The following COL9A1 variants were observed in gnomAD, a reference collection of about 807,000 sequenced individuals.
COL9A1 encodes collagen type IX alpha 1 chain.
COL9A1 carries 104 observed loss-of-function variants against 142.6 expected under a neutral mutation model. The observed-to-expected ratio is 0.73, with a 90% confidence interval of 0.62 to 0.86. The LOEUF is 0.86. Among genes scored for constraint, COL9A1 ranks in the 40% least tolerant of loss-of-function variants. COL9A1 has a pLI of 0.00. For synonymous variants in COL9A1, 466 were observed against 396.0 expected, an observed-to-expected ratio of 1.18 and a Z score of -2.10; for missense variants, 1,210 against 1,176.6, an observed-to-expected ratio of 1.03 and a Z score of -0.42.
intron 37 of COL9A1, among the ~76,000 whole-genome samples, chr6:70,220,056 T>G (rs1768771154): frequency 6.6e-6 from 1 of 152,124 alleles, no homozygotes; most frequent in Non-Finnish European, 1.5e-5. Context: ...CTGTCTACCC[T>G]TGATTTATTT....
chr6:70,231,269 A>G (rs990135826), intron 36 of COL9A1, among the ~76,000 whole-genome samples: 1 of 152,258 alleles, frequency 6.6e-6, no homozygotes. Context: ...GATCCAATGA[A>G]GTCAACAATC....
chr6:70,245,208 C>G (rs1770517152), intron 28 of COL9A1, among the ~76,000 whole-genome samples: 1 of 152,188 alleles, frequency 6.6e-6, no homozygotes, highest in Non-Finnish European at 1.5e-5. Flanking sequence ...ATTTCTTTGT[C>G]TTCTAAGAAC....
chr6:70,246,065 C>T (rs958076164), intron 28 of COL9A1: 14 of 152,450 alleles, frequency 9.2e-5, no homozygotes, highest in African/African-American at 3.4e-4. Flanking sequence ...CAACTCATCT[C>T]TTTTTAAGAA....
At chr6:70,280,907 G>A (rs1468773826) in intron 9 of COL9A1, 33 bp from the exon 10 acceptor site, 7 of 1,613,454 alleles carry the variant, frequency 4.3e-6, no homozygotes, top group Non-Finnish European at 5.9e-6. Flanking sequence ...GGGGGCAGGA[G>A]AGAAAAAGGT....
In COL9A1 at chr6:70,283,367, A is replaced by G. The variant is rs1372491992; in HGVS notation, c.780+370T>C. On this transcript the variant is annotated intron_variant, in intron 6 of 37. Coordinates refer to ENST00000357250, the MANE Select transcript of COL9A1 (RefSeq NM_001851.6). ...ACGCAGCTCTGCCTCCATCCCATCC[A>G]CCCCAGTGCAGCTTCTGGCTGTCCT... 4.7e-6 allele frequency: 4 copies of G among 848,022 alleles called. No homozygotes were observed. In the Admixed American group the frequency reaches 8.8e-5, roughly 19 times the overall value. The allele number at this position is 848,022 out of a possible 1,614,324, so 52.5% of individuals were successfully genotyped here. A position where few individuals can be genotyped will look rare whatever the true frequency, so the allele number is the denominator to read the frequency against.
chr6:70,268,054 CAAGT>C (rs1772144989), intron 17 of COL9A1, among the ~76,000 whole-genome samples: 1 of 152,180 alleles, frequency 6.6e-6, no homozygotes, highest in Non-Finnish European at 1.5e-5. Flanking sequence ...GGAAAACTTT[CAAGT>C]AATTACGGTG....
At position 70,238,815 on chromosome 6, in the gene COL9A1, C is replaced by T. The variant is rs1411443140; in HGVS notation, c.2112+439G>A. Among the ~76,000 whole-genome samples the T allele has an allele frequency of 3.9e-5, 6 of 152,288 alleles. No homozygotes were observed. The East Asian group carries it at 1.2e-3, about 29-fold the overall frequency. On this transcript the variant is annotated intron_variant, in intron 33 of 37. Coordinates refer to ENST00000357250, the MANE Select transcript of COL9A1 (RefSeq NM_001851.6). ...CCATTGCCTAAAGTACAAATTTAGA[C>T]ATTTATTTCCATGAAAGTAAGTCCT...
intron 33 of COL9A1, among the ~76,000 whole-genome samples, chr6:70,237,809 G>A (rs1482561650): frequency 2.6e-5 from 4 of 152,358 alleles, no homozygotes; most frequent in Admixed American, 6.5e-5. Flanking sequence ...TTAATACGAT[G>A]TAATAATATT....
At chr6:70,255,814 T>C (rs1771250073) in intron 21 of COL9A1, among the ~76,000 whole-genome samples, 1 of 129,752 alleles carries the variant, frequency 7.7e-6, no homozygotes, top group Non-Finnish European at 1.8e-5. Flanking sequence ...GTCGAAGTGA[T>C]CTAGCTAATG....
intron 19 of COL9A1, 88 bp downstream of exon 19, chr6:70,263,156 C>T: frequency 9.3e-7 from 1 of 1,075,244 alleles, no homozygotes; most frequent in Non-Finnish European, 1.4e-6. Flanking sequence ...GCTATTCATC[C>T]AACTGCTAAA....
rs115255573 is a variant in COL9A1 at position 70,242,216 on chromosome 6, T to A, written c.1927-181A>T. 1.5e-3 allele frequency: 1,017 copies of A among 665,146 alleles called. 13 individuals carry two copies. The African/African-American group carries it at 0.016, about 10-fold the overall frequency. The allele number at this position is 665,146 out of a possible 1,614,324, so 41.2% of individuals were successfully genotyped here. A position where few individuals can be genotyped will look rare whatever the true frequency, so the allele number is the denominator to read the frequency against. ...TCAGGAGAAGAGGGCGGGGCCAATG[T>A]TCTCCCAGCCTTCACTCCACCCTAA... On this transcript the variant is annotated intron_variant, in intron 29 of 37. Coordinates refer to ENST00000357250, the MANE Select transcript of COL9A1 (RefSeq NM_001851.6).
intron 5 of COL9A1, among the ~76,000 whole-genome samples, chr6:70,292,395 A>T (rs575177662): frequency 2.0e-4 from 31 of 152,320 alleles, no homozygotes; most frequent in Middle Eastern, 6.8e-3. Context: ...GGTGGACCAG[A>T]ATCAGAATGT....
chr6:70,253,985 G>T (rs1771111481), intron 25 of COL9A1, among the ~76,000 whole-genome samples: 1 of 152,168 alleles, frequency 6.6e-6, no homozygotes, highest in Non-Finnish European at 1.5e-5. Flanking sequence ...AGATTTGCCT[G>T]CAAAAGAGCC....
chr6:70,225,930 A>T lies in COL9A1; in HGVS notation c.2581+2T>A. On this transcript the variant is annotated splice_donor_variant, in intron 37 of 37. Transcript: ENST00000357250. LOFTEE classifies it high-confidence loss of function. ...CTCCTCTCAGCTATACAACACACTTACCTGGGAGACCTATAGCTCCAGGCA... is the reference window on the plus strand; with the variant it reads ...CTCCTCTCAGCTATACAACACACTTTCCTGGGAGACCTATAGCTCCAGGCA... 1 of 1,613,602 alleles carries T rather than the reference A, an allele frequency of 6.2e-7. No homozygotes were observed. The highest frequency in any genetic ancestry group is 1.1e-5 in the South Asian group (1 of 91,078).
At position 70,226,515 on chromosome 6, in the gene COL9A1, A is replaced by G. The variant is rs149632838; in HGVS notation, c.2504-506T>C. Among the ~76,000 whole-genome samples, 614 of 152,246 alleles carry G rather than the reference A, an allele frequency of 4.0e-3. 5 individuals are homozygous for G. The highest frequency in any genetic ancestry group is 0.012 in the African/African-American group (497 of 41,560). On this transcript the variant is annotated intron_variant, in intron 36 of 37. Coordinates refer to ENST00000357250, the MANE Select transcript of COL9A1 (RefSeq NM_001851.6). ...AGTTAACTCAAAAACTATTACAAAC[A>G]GTGGCATTCAGTCAACTAGCAGGGT...
intron 37 of COL9A1, among the ~76,000 whole-genome samples, chr6:70,224,901 T>C (rs63560360): frequency 3.3e-5 from 5 of 151,668 alleles, no homozygotes; most frequent in Non-Finnish European, 7.4e-5. Context: ...CATGTTTTTT[T>C]AAAAAATTTT....
chr6:70,273,173 C>T (rs1772517619), intron 12 of COL9A1, among the ~76,000 whole-genome samples: 1 of 152,064 alleles, frequency 6.6e-6, no homozygotes, highest in African/African-American at 2.4e-5. Flanking sequence ...AAAAGGCATT[C>T]CTGGAAAAAG....
At chr6:70,302,204 C>CTTTTTTTTTTTTTT (rs202054376) in intron 1 of COL9A1, 130 bp from the exon 2 acceptor site, 3 of 288,324 alleles carry the variant, frequency 1.0e-5, no homozygotes, top group African/African-American at 2.9e-5. Flanking sequence ...TTTTTCATTT[C>CTTTTTTTTTTTTTT]TTTTTTTTTT....
chr6:70,253,247 A>T, intron 26 of COL9A1, 138 bp downstream of exon 26: 1 of 620,124 alleles, frequency 1.6e-6, no homozygotes, highest in Non-Finnish European at 2.9e-6. Context: ...TTGAAGCCTT[A>T]ACACATTTAC....
Sources: gnomAD v4.1 joint callset for allele counts (sites outside exome capture counted in the v4.1 genomes callset) on GRCh38, gnomAD v4.1.1 for gene constraint, MANE v1.5 for transcripts, NCBI Gene and HGNC (gene_info 2026-07-23, HGNC 2026-07-21) for gene names.